RREB1: variants seen among roughly 807,000 people sequenced by gnomAD.
RREB1 encodes the protein ras-responsive element-binding protein 1.
A neutral mutation model predicts 117.8 loss-of-function variants in RREB1; 27 were observed. The observed-to-expected ratio is 0.23, with a 90% CI of 0.17 to 0.32. The LOEUF is 0.32. RREB1 is among the 10% of genes least tolerant of loss of function. The pLI is 1.00. For synonymous variants in RREB1, 1,298 were observed against 1,026.7 expected (o/e 1.26, Z -5.05); for missense variants, 2,577 against 2,378.2 (o/e 1.08, Z -1.74).
chr6:7,155,629 G>A (rs1417951371), intron 1 of RREB1, among the ~76,000 whole-genome samples: 1 of 152,234 alleles, frequency 6.6e-6, no homozygotes, highest in Non-Finnish European at 1.5e-5. Flanking sequence ...AGTTTTAATA[G>A]AGAAAATGTG....
intron 1 of RREB1, among the ~76,000 whole-genome samples, chr6:7,148,239 A>G (rs1762960458): frequency 6.6e-6 from 1 of 152,148 alleles, no homozygotes; most frequent in Admixed American, 6.5e-5. Flanking sequence ...CTTACTGTAG[A>G]TACAGCCCTG....
At chr6:7,242,704 G>GT (rs1554128718) in intron 11 of RREB1, among the ~76,000 whole-genome samples, 3 of 151,106 alleles carry the variant, frequency 2.0e-5, no homozygotes, top group Non-Finnish European at 4.4e-5. Context: ...AAAAAAAGGG[G>GT]GGGGGGGAAG....
At chr6:7,227,966 C>G (rs1026427623) in intron 9 of RREB1, among the ~76,000 whole-genome samples, 1 of 152,220 alleles carries the variant, frequency 6.6e-6, no homozygotes, top group Non-Finnish European at 1.5e-5. Context: ...GCTGGGGAGG[C>G]TGAGGCATGA....
intron 11 of RREB1, among the ~76,000 whole-genome samples, chr6:7,244,971 TGCG>T (rs1209334886): frequency 1.3e-5 from 2 of 152,198 alleles, no homozygotes; most frequent in Non-Finnish European, 2.9e-5. Flanking sequence ...CCAGGTTAGG[TGCG>T]TGAATCTGCT....
rs749676642 is a variant in RREB1, at chr6:7,226,513, C to T, written c.754C>T (p.Arg252Cys). The T allele has an allele frequency of 3.1e-6, 5 of 1,614,050 alleles. No homozygotes were observed. Among genetic ancestry groups the T allele is most frequent in the Admixed American group, 1.7e-5 (1 of 60,010 alleles). Residue 252 changes from arginine (R) to cysteine (C), a missense_variant, in exon 9 of 13, where the codon CGT (arginine) becomes TGT (cysteine). Coordinates refer to ENST00000379938, the MANE Select transcript of RREB1 (RefSeq NM_001003699.4). ...VTFRTHRGLLRHNALVHKQLP... is the reference protein window; with the variant it reads ...VTFRTHRGLLCHNALVHKQLP... ...CTTTCGAACACATCGAGGACTGCTG[C>T]GTCACAACGCGCTTGTCCACAAACA...
intron 6 of RREB1, among the ~76,000 whole-genome samples, chr6:7,199,720 G>GT (rs1460111154): frequency 1.3e-5 from 2 of 151,994 alleles, no homozygotes; most frequent in African/African-American, 4.8e-5. Context: ...GTGGAGTGCA[G>GT]TGGTGCCATC....
In RREB1 at chr6:7,246,578, G is replaced by A. The variant is rs770076990; in HGVS notation, c.4128G>A (p.Pro1376=). Residue 1376 remains proline, a synonymous_variant, in exon 12 of 13, where the codon CCG becomes CCA. Transcript: ENST00000379938. The stretch of plus-strand genomic sequence containing the variant: ...AGGCCACGGCGGAAACGGCCTCGCC[G>A]GTGCACCGGGAAGAGCACGGGCGTG... ...VEQATAETAS[P]VHREEHGRGE... 7.7e-6 allele frequency: 12 copies of A among 1,551,276 alleles called. No homozygotes were observed. In the East Asian group the frequency reaches 2.2e-4, roughly 28 times the overall value.
chr6:7,211,234 G>T (rs1766568868), intron 7 of RREB1, among the ~76,000 whole-genome samples: 1 of 142,752 alleles, frequency 7.0e-6, no homozygotes, highest in African/African-American at 2.6e-5. Flanking sequence ...AAGCATTCGG[G>T]ACTCTTTTGT....
At position 7,231,037 on chromosome 6, in the gene RREB1, C is replaced by G. The variant is rs778450097; in HGVS notation, c.2938C>G (p.Pro980Ala). ...SPCPAPGPSLPVTLGPSGILE... is the reference protein window; with the variant it reads ...SPCPAPGPSLAVTLGPSGILE... ...CTGCCCAGCACCCGGCCCTTCTCTT[C>G]CTGTAACTTTGGGGCCCAGCGGAAT... Residue 980 changes from proline (P) to alanine (A), a missense_variant, in exon 10 of 13, where the codon CCT (proline) becomes GCT (alanine). Pro to Ala is a conservative substitution (Grantham distance 27). Transcript: ENST00000379938. 2 of 1,613,912 alleles carry G rather than the reference C, an allele frequency of 1.2e-6. No individual in the cohort carries two copies. Among genetic ancestry groups the G allele is most frequent in the African/African-American group, 1.3e-5 (1 of 74,924 alleles).
chr6:7,230,450 A>C lies in RREB1; in HGVS notation c.2351A>C (p.His784Pro), dbSNP rs1767864462. The change falls in exon 10 of 13, where the codon CAC becomes CCC. Residue 784 changes from histidine to proline, a missense_variant. Transcript: ENST00000379938. Reference protein sequence around the residue: ...THCGRGLGGGHKGRKPFECKE... With the variant: ...THCGRGLGGGPKGRKPFECKE... ...TGCGGCCGCGGCCTGGGCGGGGGCC[A>C]CAAGGGCCGCAAGCCCTTCGAGTGC... The C allele has an allele frequency of 1.3e-6, 2 of 1,592,396 alleles. No individual in the cohort carries two copies. Among genetic ancestry groups the C allele is most frequent in the African/African-American group, 2.7e-5 (2 of 74,716 alleles).
At chr6:7,197,231 G>A (rs1470057350) in intron 6 of RREB1, among the ~76,000 whole-genome samples, 1 of 152,192 alleles carries the variant, frequency 6.6e-6, no homozygotes, top group Admixed American at 6.5e-5. Context: ...ATTGCCTTGG[G>A]AAAATAGGAA....
chr6:7,166,077 C>A (rs1413943777), intron 1 of RREB1, among the ~76,000 whole-genome samples: 1 of 152,194 alleles, frequency 6.6e-6, no homozygotes, highest in East Asian at 1.9e-4. Context: ...TTAGACCCCC[C>A]AGGGAGTGCA....
At chr6:7,236,756 A>T (rs1213264253) in intron 10 of RREB1, among the ~76,000 whole-genome samples, 15 of 150,044 alleles carry the variant, frequency 1.0e-4, no homozygotes, top group African/African-American at 3.4e-4. Context: ...TTTATCTTGG[A>T]GGCCAAGGCC....
chr6:7,204,693 C>T (rs148031117), intron 6 of RREB1, among the ~76,000 whole-genome samples: 14 of 152,232 alleles, frequency 9.2e-5, no homozygotes, highest in Non-Finnish European at 1.8e-4. Flanking sequence ...ACTTTCCTTA[C>T]GGTACCATTC....
chr6:7,124,520 G>A (rs1761825142), intron 1 of RREB1, among the ~76,000 whole-genome samples: 1 of 152,154 alleles, frequency 6.6e-6, no homozygotes, highest in East Asian at 1.9e-4. Context: ...CTAAACACCA[G>A]AAACTGCAAG....
chr6:7,149,249 G>A (rs958962054), intron 1 of RREB1, among the ~76,000 whole-genome samples: 19 of 152,090 alleles, frequency 1.2e-4, no homozygotes, highest in African/African-American at 4.6e-4. Context: ...AATGTGAATT[G>A]TGCATATTTA....
chr6:7,210,596 A>G (rs958545044), intron 6 of RREB1, among the ~76,000 whole-genome samples: 18 of 152,354 alleles, frequency 1.2e-4, no homozygotes, highest in African/African-American at 4.3e-4. Flanking sequence ...ACATTAAGCA[A>G]CGCTTTTGGA....
chr6:7,123,250 C>T (rs1383977577), intron 1 of RREB1, among the ~76,000 whole-genome samples: 1 of 152,084 alleles, frequency 6.6e-6, no homozygotes. Context: ...TTCCACCTCC[C>T]GGGTTCAAGC....
At chr6:7,223,421 C>T (rs1047859822) in intron 8 of RREB1, among the ~76,000 whole-genome samples, 13 of 151,870 alleles carry the variant, frequency 8.6e-5, no homozygotes, top group African/African-American at 1.5e-4. Context: ...ATTAGCTGGG[C>T]GTGGTGGCGC....
Sources: allele counts gnomAD v4.1 joint callset (sites outside exome capture counted in the v4.1 genomes callset), GRCh38; gene constraint gnomAD v4.1.1; transcripts MANE v1.5; gene names NCBI Gene and HGNC (gene_info 2026-07-23, HGNC 2026-07-21).